DENND2C: variants seen among roughly 807,000 people sequenced by gnomAD.
The protein encoded by DENND2C is DENN domain-containing protein 2C.
DENND2C carries 72 observed loss-of-function variants against 112.4 expected under a neutral mutation model. The observed-to-expected ratio is 0.64, with a 90% CI of 0.53 to 0.78. The LOEUF (loss-of-function observed/expected upper bound fraction) is 0.78. Ranked by LOEUF, DENND2C falls within the 30% of genes least tolerant of loss-of-function variation. The probability of loss-of-function intolerance (pLI) is 0.00; values close to 1 mark genes in which losing one functional copy is unlikely to be tolerated. For synonymous variants in DENND2C, 329 were observed against 381.6 expected (o/e 0.86, Z 1.61); for missense variants, 992 against 1,113.8 (o/e 0.89, Z 1.56).
chr1:114,608,938 G>T, intron 9 of DENND2C, 65 bp from the exon 10 acceptor site: 1 of 1,554,278 alleles, frequency 6.4e-7, no homozygotes, highest in Non-Finnish European at 8.8e-7. Context: ...AGCATCCAGA[G>T]GTCATGACCC....
At chr1:114,590,567 A>G (rs772079538) in intron 18 of DENND2C, among the ~76,000 whole-genome samples, 6 of 151,544 alleles carry the variant, frequency 4.0e-5, no homozygotes, top group Non-Finnish European at 8.8e-5. Flanking sequence ...TCACGAGGTC[A>G]GGAGATCGAG....
At chr1:114,668,931 T>C (rs1657715094) in intron 1 of DENND2C, among the ~76,000 whole-genome samples, 1 of 152,342 alleles carries the variant, frequency 6.6e-6, no homozygotes, top group South Asian at 2.1e-4. Flanking sequence ...AGTAGATTAT[T>C]TGATTGCTAC....
chr1:114,588,798 G>T (rs1368564353), intron 18 of DENND2C, among the ~76,000 whole-genome samples: 1 of 151,682 alleles, frequency 6.6e-6, no homozygotes, highest in African/African-American at 2.4e-5. Context: ...TTGCTATGTT[G>T]CCCAGGCACT....
chr1:114,632,881 T>A (rs1656533843), intron 3 of DENND2C, among the ~76,000 whole-genome samples: 1 of 152,116 alleles, frequency 6.6e-6, no homozygotes, highest in Non-Finnish European at 1.5e-5. Flanking sequence ...CACGTAAAAA[T>A]TTTAAAGTTC....
chr1:114,655,899 T>TATAA (rs947062949), intron 1 of DENND2C, among the ~76,000 whole-genome samples: 141 of 147,698 alleles, frequency 9.5e-4, no homozygotes, highest in African/African-American at 3.3e-3. Context: ...TATATATATA[T>TATAA]AATATGTATG....
chr1:114,587,673 G>T (rs1260421260), intron 19 of DENND2C, 43 bp downstream of exon 19: 3 of 1,522,902 alleles, frequency 2.0e-6, no homozygotes, highest in Non-Finnish European at 2.7e-6. Flanking sequence ...ATCTTTCAAG[G>T]TATTCACTAA....
At chr1:114,641,374 T>C (rs933494931) in intron 3 of DENND2C, among the ~76,000 whole-genome samples, 4 of 152,128 alleles carry the variant, frequency 2.6e-5, no homozygotes, top group African/African-American at 9.7e-5. Context: ...GTTTGGATAT[T>C]TGTCCCCTCC....
intron 15 of DENND2C, among the ~76,000 whole-genome samples, chr1:114,599,782 G>A (rs1005722498): frequency 6.6e-6 from 1 of 152,056 alleles, no homozygotes; most frequent in Non-Finnish European, 1.5e-5. Context: ...ATAGCCTAAC[G>A]CAAGTGGCTT....
At chr1:114,610,064 T>C (rs1655768700) in intron 9 of DENND2C, among the ~76,000 whole-genome samples, 1 of 152,176 alleles carries the variant, frequency 6.6e-6, no homozygotes, top group South Asian at 2.1e-4. Context: ...CTATTAATCA[T>C]AAAATTAGGG....
rs757915695 is a variant in DENND2C, at chr1:114,594,538, G to C, written c.2366C>G (p.Ala789Gly). ...TTCTTCCAAAATCTGCATCAGGGCA[G>C]CTTGAAGTTTTGGTGGTAGAATTTC... ...EDEILPPKLQAALMQILEERN... is the reference protein window; with the variant it reads ...EDEILPPKLQGALMQILEERN... Residue 789 changes from alanine (A) to glycine (G), a missense_variant, in exon 18 of 21, where the codon GCT becomes GGT. Physicochemically the swap from Ala to Gly is moderately conservative, Grantham distance 60. This residue lies in a region of DENND2C where 516 missense variants were observed against 623.6 expected (regional missense o/e 0.83). Coordinates refer to ENST00000393274, the MANE Select transcript of DENND2C (RefSeq NM_001256404.2). 1.2e-6 allele frequency: 2 copies of C among 1,613,922 alleles called. No homozygotes were observed. The highest frequency in any genetic ancestry group is 1.7e-6 in the Non-Finnish European group (2 of 1,179,992).
At chr1:114,589,081 G>T (rs1655117427) in intron 18 of DENND2C, among the ~76,000 whole-genome samples, 1 of 152,158 alleles carries the variant, frequency 6.6e-6, no homozygotes, top group Non-Finnish European at 1.5e-5. Context: ...CACCTAGTAA[G>T]TGAAGATGCT....
chr1:114,654,817 C>G (rs1485802967), intron 1 of DENND2C, 56 bp from the exon 2 acceptor site: 1 of 151,940 alleles, frequency 6.6e-6, no homozygotes. Context: ...ATCAGGTCCC[C>G]AGGTGCCTAT....
chr1:114,618,138 G>A (rs1446834612), intron 8 of DENND2C, among the ~76,000 whole-genome samples: 4 of 151,982 alleles, frequency 2.6e-5, no homozygotes, highest in South Asian at 2.1e-4. Flanking sequence ...ACAGGCGCCC[G>A]CCACCACGCC....
intron 1 of DENND2C, among the ~76,000 whole-genome samples, chr1:114,657,161 A>G (rs932085441): frequency 7.2e-5 from 11 of 152,348 alleles, no homozygotes; most frequent in African/African-American, 2.6e-4. Context: ...CCTCAGTCAT[A>G]CTGGAATTGT....
intron 18 of DENND2C, among the ~76,000 whole-genome samples, chr1:114,589,920 C>A (rs1020015250): frequency 2.0e-4 from 31 of 152,288 alleles, no homozygotes; most frequent in African/African-American, 6.5e-4. Context: ...CTTCTACTTT[C>A]CAACAGAGTG....
intron 9 of DENND2C, among the ~76,000 whole-genome samples, chr1:114,609,201 A>G (rs1219288990): frequency 6.6e-6 from 1 of 152,238 alleles, no homozygotes; most frequent in African/African-American, 2.4e-5. Context: ...GGACACATGG[A>G]AAATGTCACG....
At chr1:114,604,095 T>G (rs913778821) in intron 11 of DENND2C, among the ~76,000 whole-genome samples, 4 of 152,134 alleles carry the variant, frequency 2.6e-5, no homozygotes, top group Admixed American at 2.0e-4. Context: ...GCAGTGCAAC[T>G]GACAACACAA....
At chr1:114,642,843 A>G (rs987035699) in intron 3 of DENND2C, among the ~76,000 whole-genome samples, 13 of 152,236 alleles carry the variant, frequency 8.5e-5, no homozygotes, top group Non-Finnish European at 1.9e-4. Flanking sequence ...TGCTCAATAA[A>G]TGACAGGTAC....
Position 114,601,392 on chromosome 1 carries a change from T to C in DENND2C, c.1815+116A>G, listed in dbSNP as rs192740490. On this transcript the variant is annotated intron_variant, in intron 13 of 20. Coordinates refer to ENST00000393274, the MANE Select transcript of DENND2C (RefSeq NM_001256404.2). The stretch of plus-strand genomic sequence containing the variant: ...ATGTAAGTTTAAGCCTTCAGGCACG[T>C]GGTTCCTAGTTTACTAATAGGGAAC... 289 of 952,470 alleles carry C rather than the reference T, an allele frequency of 3.0e-4. 2 individuals are homozygous for C. The African/African-American group carries it at 4.2e-3, about 14-fold the overall frequency. The allele number at this position is 952,470 out of a possible 1,614,324, so 59.0% of individuals were successfully genotyped here.
Sources: allele counts gnomAD v4.1 joint callset (sites outside exome capture counted in the v4.1 genomes callset), GRCh38; gene constraint gnomAD v4.1.1; regional missense constraint gnomAD v4.1.1; transcripts MANE v1.5; gene names NCBI Gene and HGNC (gene_info 2026-07-23, HGNC 2026-07-21).